Variants in ASTN2 observed in about 807,000 individuals in gnomAD.
The protein encoded by ASTN2 is astrotactin-2.
In ASTN2, 54 loss-of-function variants were observed where a neutral mutation model predicts 139.8. The ratio of observed to expected loss-of-function variants is 0.39; its 90% confidence interval spans 0.31 to 0.48. ASTN2 has a LOEUF of 0.48. Among genes scored for constraint, ASTN2 ranks in the 20% least tolerant of loss-of-function variants. The probability of loss-of-function intolerance (pLI) is 0.95; values close to 1 mark genes in which losing one functional copy is unlikely to be tolerated. For synonymous variants in ASTN2, 756 were observed against 719.5 expected, an observed-to-expected ratio of 1.05 and a Z score of -0.81; for missense variants, 1,565 against 1,725.1, an observed-to-expected ratio of 0.91 and a Z score of 1.64.
Position 116,618,488 on chromosome 9 carries a change from AG to A in ASTN2, c.3207-17del. On this transcript the variant is annotated splice_polypyrimidine_tract_variant and intron_variant, in intron 18 of 22. Coordinates refer to ENST00000313400, the MANE Select transcript of ASTN2 (RefSeq NM_001365068.1). Reference sequence around the variant, plus strand: ...CAGCCGCAGCCTACAGGGAATAAAAAGGAAGATTCGTGTTTGGCAGCCAGCA... The same window carrying A: ...CAGCCGCAGCCTACAGGGAATAAAAAGAAGATTCGTGTTTGGCAGCCAGCA... 6.3e-6 allele frequency: 10 copies of A among 1,593,728 alleles called. No homozygotes were observed. The highest frequency in any genetic ancestry group is 8.5e-6 in the Non-Finnish European group (10 of 1,172,426).
At chr9:116,759,953 T>C (rs546719155) in intron 13 of ASTN2, among the ~76,000 whole-genome samples, 1 of 152,332 alleles carries the variant, frequency 6.6e-6, no homozygotes, top group South Asian at 2.1e-4. Flanking sequence ...ATCCGTTTAA[T>C]GTCAGATATG....
intron 10 of ASTN2, among the ~76,000 whole-genome samples, chr9:116,866,380 A>G (rs573396185): frequency 6.6e-6 from 1 of 152,306 alleles, no homozygotes; most frequent in Admixed American, 6.5e-5. Context: ...CACAGGGACA[A>G]AGGAGAAGGG....
Position 116,822,099 on chromosome 9 carries a change from G to A in ASTN2, c.2041-1316C>T, listed in dbSNP as rs531300769. 1.5e-3 allele frequency among the ~76,000 whole-genome samples: 227 copies of A among 151,630 alleles called. 2 individuals carry two copies. The highest frequency in any genetic ancestry group is 2.7e-3 in the Non-Finnish European group (182 of 67,930). Reference sequence around the variant, plus strand: ...TGCCTTCCCACCATGAGACCCCACCGGCCAACTCCCCGCTCCCCTTCCCAT... The same window carrying A: ...TGCCTTCCCACCATGAGACCCCACCAGCCAACTCCCCGCTCCCCTTCCCAT... On this transcript the variant is annotated intron_variant, in intron 11 of 22. Transcript: ENST00000313400.
At chr9:117,063,162 TC>T (rs1183367794) in intron 5 of ASTN2, among the ~76,000 whole-genome samples, 2 of 152,196 alleles carry the variant, frequency 1.3e-5, no homozygotes, top group African/African-American at 2.4e-5. Flanking sequence ...TAAAATATAT[TC>T]CATGGTAATA....
chr9:116,486,631 T>C (rs945083574), intron 20 of ASTN2, among the ~76,000 whole-genome samples: 14 of 152,190 alleles, frequency 9.2e-5, no homozygotes, highest in Non-Finnish European at 1.9e-4. Context: ...CATTCCATAA[T>C]TGGGGTACAT....
chr9:116,963,615 G>A (rs1423352433), intron 10 of ASTN2, among the ~76,000 whole-genome samples: 2 of 152,278 alleles, frequency 1.3e-5, no homozygotes, highest in South Asian at 2.1e-4. Context: ...AAGTGTCCAC[G>A]ACGATAGAGA....
chr9:116,905,684 A>G (rs1286902030), intron 10 of ASTN2, among the ~76,000 whole-genome samples: 2 of 152,204 alleles, frequency 1.3e-5, no homozygotes, highest in African/African-American at 4.8e-5. Flanking sequence ...AATGTGTTTT[A>G]TGCTCTTACA....
At chr9:117,038,292 G>A (rs1036843835) in intron 6 of ASTN2, among the ~76,000 whole-genome samples, 4 of 152,230 alleles carry the variant, frequency 2.6e-5, no homozygotes, top group Middle Eastern at 3.4e-3. Context: ...TCTCAAAAAC[G>A]TTCTATACAT....
intron 5 of ASTN2, among the ~76,000 whole-genome samples, chr9:117,049,784 T>C (rs1469998041): frequency 6.6e-6 from 1 of 152,144 alleles, no homozygotes; most frequent in East Asian, 1.9e-4. Flanking sequence ...ATGAAAAAGG[T>C]AGGCACAACA....
At chr9:117,338,854 A>G (rs1828976216) in intron 1 of ASTN2, among the ~76,000 whole-genome samples, 1 of 152,058 alleles carries the variant, frequency 6.6e-6, no homozygotes, top group African/African-American at 2.4e-5. Context: ...TCAACAGCAC[A>G]CCTGTCCATG....
At chr9:116,917,760 T>C (rs1834491788) in intron 10 of ASTN2, among the ~76,000 whole-genome samples, 1 of 152,142 alleles carries the variant, frequency 6.6e-6, no homozygotes, top group South Asian at 2.1e-4. Context: ...ATTATAAAAG[T>C]TTGTAAAATT....
rs1830540412 is a variant in ASTN2, at chr9:117,391,533, A to G, written c.442+22964T>C. On this transcript the variant is annotated intron_variant, in intron 1 of 22. Transcript: ENST00000313400. ...AACAGCATGGGAAAGACCTGCTTCC[A>G]TGATTCAATCATCTCCTACTGGGTC... 3.3e-5 allele frequency among the ~76,000 whole-genome samples: 5 copies of G among 152,192 alleles called. No homozygotes were observed. In the South Asian group the frequency reaches 1.0e-3, roughly 32 times the overall value.
In ASTN2 at chr9:117,383,736, G is replaced by A. The variant is rs77196587; in HGVS notation, c.442+30761C>T. Among the ~76,000 whole-genome samples the A allele has an allele frequency of 6.0e-4, 92 of 152,248 alleles. 1 individual carries two copies. The East Asian group carries it at 0.016, about 26-fold the overall frequency. ...CATGAAAGTATACCCCAACCCACAT[G>A]CCTCATTGTCCAAAAGCTCCAGCTC... On this transcript the variant is annotated intron_variant, in intron 1 of 22. Coordinates refer to ENST00000313400, the MANE Select transcript of ASTN2 (RefSeq NM_001365068.1).
At chr9:116,636,698 GA>G (rs1347664334) in intron 17 of ASTN2, among the ~76,000 whole-genome samples, 3 of 151,934 alleles carry the variant, frequency 2.0e-5, no homozygotes, top group African/African-American at 7.3e-5. Context: ...AAGAAAGAAA[GA>G]AAAAGATGTA....
intron 16 of ASTN2, among the ~76,000 whole-genome samples, chr9:116,679,071 G>A (rs1316369885): frequency 6.6e-6 from 1 of 151,962 alleles, no homozygotes; most frequent in Non-Finnish European, 1.5e-5. Flanking sequence ...ATCTTTATTG[G>A]GTCTTATTTG....
At chr9:117,082,237 C>T (rs1828447364) in intron 5 of ASTN2, among the ~76,000 whole-genome samples, 2 of 152,152 alleles carry the variant, frequency 1.3e-5, no homozygotes, top group South Asian at 4.1e-4. Context: ...CTCTCCTGAA[C>T]ACTTACCCTT....
At chr9:117,060,460 G>GAA (rs1491517399) in intron 5 of ASTN2, among the ~76,000 whole-genome samples, 1 of 41,822 alleles carries the variant, frequency 2.4e-5, no homozygotes, top group Non-Finnish European at 4.4e-5. Flanking sequence ...AAGAAAGAAA[G>GAA]GAAGGAAGGA....
At chr9:117,378,500 A>C (rs1211747357) in intron 1 of ASTN2, among the ~76,000 whole-genome samples, 1 of 152,200 alleles carries the variant, frequency 6.6e-6, no homozygotes, top group Non-Finnish European at 1.5e-5. Flanking sequence ...TGCAGTATGA[A>C]GAAAACACCA....
chr9:117,263,755 C>A (rs1833877815), intron 2 of ASTN2, among the ~76,000 whole-genome samples: 1 of 152,194 alleles, frequency 6.6e-6, no homozygotes. Context: ...CTTCCCTGGA[C>A]ACACTTGATG....
Sources: allele counts gnomAD v4.1 joint callset (sites outside exome capture counted in the v4.1 genomes callset), GRCh38; gene constraint gnomAD v4.1.1; transcripts MANE v1.5; gene names NCBI Gene and HGNC (gene_info 2026-07-23, HGNC 2026-07-21).